The following PDCD1LG2 variants were observed in gnomAD, a reference collection of about 807,000 sequenced individuals.
PDCD1LG2 encodes programmed cell death 1 ligand 2.
A neutral mutation model predicts 28.2 loss-of-function variants in PDCD1LG2; 32 were observed. The observed-to-expected ratio is 1.13, with a 90% confidence interval of 0.86 to 1.52. PDCD1LG2 has a LOEUF of 1.52. PDCD1LG2 is among the 40% of genes most tolerant of loss of function. The pLI, the probability that PDCD1LG2 is intolerant of heterozygous loss-of-function variation, is 0.00. For missense variants in PDCD1LG2, 385 were observed against 323.8 expected (o/e 1.19, Z -1.45); for synonymous variants, 116 against 120.2 (o/e 0.97, Z 0.23).
At position 5,531,661 on chromosome 9, in the gene PDCD1LG2, A is replaced by G. The variant is rs375853580; in HGVS notation, c.56-3084A>G. On this transcript the variant is annotated intron_variant, in intron 2 of 6. Transcript: ENST00000397747. The stretch of plus-strand genomic sequence containing the variant: ...GCTAAGGGGAGTTCCAGAGGAAGTT[A>G]TAGGCGTTCCCTTTCTTATGACAAG... 7.2e-5 allele frequency among the ~76,000 whole-genome samples: 11 copies of G among 152,316 alleles called. No homozygotes were observed. The East Asian group carries it at 2.1e-3, about 29-fold the overall frequency.
intron 1 of PDCD1LG2, 31 bp downstream of exon 1, chr9:5,510,834 T>C (rs1183104621): frequency 7.2e-6 from 1 of 138,764 alleles, no homozygotes; most frequent in Admixed American, 7.2e-5. Flanking sequence ...GATACTCTCA[T>C]ACTATTATGT....
At chr9:5,551,678 A>G (rs1046242192) in intron 4 of PDCD1LG2, among the ~76,000 whole-genome samples, 1 of 152,198 alleles carries the variant, frequency 6.6e-6, no homozygotes, top group Non-Finnish European at 1.5e-5. Context: ...CAGAAAGAAA[A>G]GTATCCAATT....
At chr9:5,541,049 A>T (rs1184171258) in intron 3 of PDCD1LG2, among the ~76,000 whole-genome samples, 2 of 152,214 alleles carry the variant, frequency 1.3e-5, no homozygotes, top group Non-Finnish European at 2.9e-5. Context: ...GGATGCAGGG[A>T]TGGTTTAACA....
chr9:5,536,135 T>G (rs759603740), intron 3 of PDCD1LG2, among the ~76,000 whole-genome samples: 16 of 152,218 alleles, frequency 1.1e-4, no homozygotes, highest in Non-Finnish European at 2.1e-4. Flanking sequence ...CTAGAGGGAC[T>G]GGACATGAGG....
At chr9:5,545,183 G>A (rs72689418) in intron 3 of PDCD1LG2, among the ~76,000 whole-genome samples, 9 of 152,254 alleles carry the variant, frequency 5.9e-5, no homozygotes, top group South Asian at 4.1e-4. Context: ...TTAAGGATAA[G>A]TATTGCTGTA....
At chr9:5,511,060 C>G (rs1820048192) in intron 1 of PDCD1LG2, among the ~76,000 whole-genome samples, 3 of 152,220 alleles carry the variant, frequency 2.0e-5, no homozygotes, top group African/African-American at 7.2e-5. Context: ...AATATGTGCA[C>G]TGTAAAATAA....
intron 6 of PDCD1LG2, among the ~76,000 whole-genome samples, chr9:5,565,602 T>C (rs528312415): frequency 2.0e-5 from 3 of 152,360 alleles, no homozygotes; most frequent in South Asian, 2.1e-4. Flanking sequence ...GATTACAGCG[T>C]TATTTTCTGG....
At position 5,570,949 on chromosome 9, in the gene PDCD1LG2, G is replaced by A. The variant is rs1563836998; in HGVS notation, c.*990G>A. 2 of 232,678 alleles carry A rather than the reference G, an allele frequency of 8.6e-6. No homozygotes were observed. The highest frequency in any genetic ancestry group is 1.7e-5 in the Non-Finnish European group (2 of 117,772). The allele number at this position is 232,678 out of a possible 1,614,324, so 14.4% of individuals were successfully genotyped here. On this transcript the variant is annotated 3_prime_UTR_variant, in exon 7 of 7. Coordinates refer to ENST00000397747, the MANE Select transcript of PDCD1LG2 (RefSeq NM_025239.4). ...AATCCTGCAAGATCCCACTACATAT[G>A]TGTGGAGCAGAAGGGTAACTCGGCT...
chr9:5,564,769 G>A (rs1011234061), intron 6 of PDCD1LG2, among the ~76,000 whole-genome samples: 15 of 152,264 alleles, frequency 9.9e-5, no homozygotes, highest in African/African-American at 3.6e-4. Context: ...TCCTCAAGTT[G>A]AGCTGCTCCA....
chr9:5,545,002 T>C (rs1586810192), intron 3 of PDCD1LG2, among the ~76,000 whole-genome samples: 1 of 152,230 alleles, frequency 6.6e-6, no homozygotes, highest in African/African-American at 2.4e-5. Context: ...GAAGACTGTA[T>C]CTTGTGAGAT....
chr9:5,510,832 C>T (rs1820042714), intron 1 of PDCD1LG2, 29 bp downstream of exon 1: 1 of 139,552 alleles, frequency 7.2e-6, no homozygotes, highest in Non-Finnish European at 1.5e-5. Flanking sequence ...GAGATACTCT[C>T]ATACTATTAT....
In PDCD1LG2 at chr9:5,517,755, A is replaced by G. The variant is rs1417090230; in HGVS notation, c.-14-4778A>G. Reference sequence around the variant, plus strand: ...AGTGGAGGTGGTGAGAAATGGTCAGATTCTGGATATATTTGAAGGAAGGGC... The same window carrying G: ...AGTGGAGGTGGTGAGAAATGGTCAGGTTCTGGATATATTTGAAGGAAGGGC... On this transcript the variant is annotated intron_variant, in intron 1 of 6. Coordinates refer to ENST00000397747, the MANE Select transcript of PDCD1LG2 (RefSeq NM_025239.4). Among the ~76,000 whole-genome samples, 6 of 152,314 alleles carry G rather than the reference A, an allele frequency of 3.9e-5. No individual in the cohort carries two copies. In the South Asian group the frequency reaches 8.3e-4, roughly 21 times the overall value.
intron 1 of PDCD1LG2, among the ~76,000 whole-genome samples, chr9:5,512,569 G>A (rs530422757): frequency 6.6e-6 from 1 of 152,272 alleles, no homozygotes; most frequent in Non-Finnish European, 1.5e-5. Context: ...GGACGTTCCT[G>A]AGTTCAGATC....
chr9:5,551,938 T>C (rs1816342508), intron 4 of PDCD1LG2, among the ~76,000 whole-genome samples: 1 of 152,344 alleles, frequency 6.6e-6, no homozygotes, highest in Middle Eastern at 3.4e-3. Flanking sequence ...TTCCTGCTGC[T>C]GCTGTGGATC....
intron 2 of PDCD1LG2, among the ~76,000 whole-genome samples, chr9:5,530,376 C>T (rs1820458757): frequency 6.6e-6 from 1 of 151,728 alleles, no homozygotes; most frequent in Admixed American, 6.6e-5. Context: ...TCTCCTTTGT[C>T]TAATACCTTC....
At chr9:5,541,691 A>G (rs1282441114) in intron 3 of PDCD1LG2, among the ~76,000 whole-genome samples, 3 of 152,216 alleles carry the variant, frequency 2.0e-5, no homozygotes, top group Non-Finnish European at 4.4e-5. Context: ...AAATGGAAAC[A>G]CATCCCATGT....
chr9:5,566,292 C>G (rs1022687377), intron 6 of PDCD1LG2, among the ~76,000 whole-genome samples: 1 of 152,214 alleles, frequency 6.6e-6, no homozygotes, highest in Admixed American at 6.5e-5. Flanking sequence ...TAACCAGCAA[C>G]TGAAGCAAGA....
chr9:5,535,139 CA>C (rs1211148784), intron 3 of PDCD1LG2, 89 bp downstream of exon 3: 11 of 1,170,112 alleles, frequency 9.4e-6, no homozygotes, highest in Admixed American at 8.6e-5. Flanking sequence ...GTAGCTCAAG[CA>C]AAAACAAGCA....
intron 3 of PDCD1LG2, among the ~76,000 whole-genome samples, chr9:5,538,799 T>C (rs1420275247): frequency 6.6e-6 from 1 of 152,208 alleles, no homozygotes; most frequent in Non-Finnish European, 1.5e-5. Flanking sequence ...ATGTGCACCT[T>C]CTTTTGAGAT....
Sources: gnomAD v4.1 joint callset for allele counts (sites outside exome capture counted in the v4.1 genomes callset) on GRCh38, gnomAD v4.1.1 for gene constraint, MANE v1.5 for transcripts, NCBI Gene and HGNC (gene_info 2026-07-23, HGNC 2026-07-21) for gene names.